The following GRIN2A variants were observed in gnomAD, a reference collection of about 807,000 sequenced individuals.
The protein encoded by GRIN2A is glutamate ionotropic receptor NMDA type subunit 2A, also known as glutamate receptor ionotropic, NMDA 2A.
GRIN2A carries 22 observed loss-of-function variants against 113.4 expected under a neutral mutation model. That is an observed-to-expected ratio of 0.19 (90% CI 0.14 to 0.28). The LOEUF is 0.28. GRIN2A is among the 10% of genes least tolerant of loss of function. The probability of loss-of-function intolerance (pLI) is 1.00; values close to 1 mark genes in which losing one functional copy is unlikely to be tolerated. For missense variants in GRIN2A, 1,502 were observed against 1,887.0 expected (o/e 0.80, Z 3.78); for synonymous variants, 827 against 738.4 (o/e 1.12, Z -1.94).
At chr16:10,006,970 T>C (rs2046414952) in intron 2 of GRIN2A, among the ~76,000 whole-genome samples, 1 of 152,274 alleles carries the variant, frequency 6.6e-6, no homozygotes, top group Admixed American at 6.5e-5. Flanking sequence ...GATCTCATTC[T>C]TTTTATGGCT....
chr16:9,764,442 C>G lies in GRIN2A; in HGVS notation c.3102G>C (p.Arg1034Ser). 1.2e-6 allele frequency: 2 copies of G among 1,614,056 alleles called. No individual in the cohort carries two copies. Among genetic ancestry groups the G allele is most frequent in the Non-Finnish European group, 1.7e-6 (2 of 1,179,996 alleles). ...DSLSQNPVSQ[R>S]DEATAENRTH... ...TCCTATTCTCTGCTGTTGCCTCATC[C>G]CTCTGGGAGACTGGATTCTGGGATA... is the stretch of plus-strand genomic sequence containing the variant. Residue 1034 changes from arginine (R) to serine (S), a missense_variant, in exon 13 of 13, where the codon AGG becomes AGC. By Grantham distance (110) the Arg-to-Ser change is moderately radical (BLOSUM62 -1). Around this residue, in one of 7 missense-constraint regions of GRIN2A, gnomAD observed 832 missense variants for 789.7 expected, o/e 1.05. Coordinates refer to ENST00000330684, the MANE Select transcript of GRIN2A (RefSeq NM_001134407.3).
At chr16:10,148,496 C>T (rs1235537477) in intron 2 of GRIN2A, among the ~76,000 whole-genome samples, 2 of 152,206 alleles carry the variant, frequency 1.3e-5, no homozygotes, top group African/African-American at 4.8e-5. Flanking sequence ...CAGGCTCTCT[C>T]CTGAGCTCCG....
At chr16:9,778,019 C>T (rs1426169241) in intron 11 of GRIN2A, among the ~76,000 whole-genome samples, 2 of 152,146 alleles carry the variant, frequency 1.3e-5, no homozygotes, top group South Asian at 2.1e-4. Flanking sequence ...GAGCTGAGAT[C>T]GCGCCATTGC....
chr16:10,058,792 C>G (rs1359838119), intron 2 of GRIN2A, among the ~76,000 whole-genome samples: 1 of 152,116 alleles, frequency 6.6e-6, no homozygotes, highest in East Asian at 1.9e-4. Context: ...TCTGACATTC[C>G]TGACAATATG....
chr16:10,137,319 C>T (rs545964975), intron 2 of GRIN2A, among the ~76,000 whole-genome samples: 1 of 152,294 alleles, frequency 6.6e-6, no homozygotes, highest in Admixed American at 6.5e-5. Context: ...AAGTAACTTG[C>T]TTAAATGAGG....
chr16:9,765,291 C>T (rs1374264682), intron 12 of GRIN2A, among the ~76,000 whole-genome samples: 3 of 152,164 alleles, frequency 2.0e-5, no homozygotes, highest in Admixed American at 6.5e-5. Context: ...TCCCAGCACC[C>T]GGGTCACCAA....
At chr16:9,802,878 C>T (rs141067637) in intron 10 of GRIN2A, among the ~76,000 whole-genome samples, 117 of 152,208 alleles carry the variant, frequency 7.7e-4, no homozygotes, top group Non-Finnish European at 1.5e-3. Flanking sequence ...TGGGCTATTG[C>T]GGCACAGCCC....
In GRIN2A at chr16:9,900,866, A is replaced by G. The variant is rs181012739; in HGVS notation, c.1008-9766T>C. Among the ~76,000 whole-genome samples, 133 of 152,288 alleles carry G rather than the reference A, an allele frequency of 8.7e-4. 1 individual carries two copies. The highest frequency in any genetic ancestry group is 2.9e-3 in the African/African-American group (122 of 41,548). On this transcript the variant is annotated intron_variant, in intron 3 of 12. Coordinates refer to ENST00000330684, the MANE Select transcript of GRIN2A (RefSeq NM_001134407.3). Reference sequence around the variant, plus strand: ...AACCAGCTCACATAATGAGCTTCTAATCCAAATGAGCAGAAAAAAATGTAT... The same window carrying G: ...AACCAGCTCACATAATGAGCTTCTAGTCCAAATGAGCAGAAAAAAATGTAT...
At chr16:10,069,150 G>A (rs1717821486) in intron 2 of GRIN2A, among the ~76,000 whole-genome samples, 1 of 152,210 alleles carries the variant, frequency 6.6e-6, no homozygotes, top group Non-Finnish European at 1.5e-5. Context: ...AGGAAAGGAT[G>A]AAGTAGGGGA....
chr16:10,152,531 C>G (rs6497731), intron 2 of GRIN2A, among the ~76,000 whole-genome samples: 32,260 of 152,138 alleles, frequency 0.21, 3,968 homozygotes, highest in East Asian at 0.49. Flanking sequence ...CCATCACTCA[C>G]TCTGACCTGG....
chr16:10,041,450 T>C (rs556192401), intron 2 of GRIN2A, among the ~76,000 whole-genome samples: 24 of 152,264 alleles, frequency 1.6e-4, no homozygotes, highest in African/African-American at 5.8e-4. Flanking sequence ...AATTGTTATA[T>C]AAAAGCCTTA....
At chr16:10,084,917 A>G (rs1461199465) in intron 2 of GRIN2A, among the ~76,000 whole-genome samples, 3 of 152,204 alleles carry the variant, frequency 2.0e-5, no homozygotes, top group Non-Finnish European at 4.4e-5. Flanking sequence ...TATCTATTGC[A>G]TAAATGATAA....
In GRIN2A at chr16:10,180,631, C is replaced by G. The variant is rs1047245809; in HGVS notation, c.-18-202G>C. On this transcript the variant is annotated intron_variant, in intron 1 of 12. Coordinates refer to ENST00000330684, the MANE Select transcript of GRIN2A (RefSeq NM_001134407.3). This position sits in a 1 kb window ranked among gnomAD's most constrained non-coding sequence, Gnocchi z 7.0. ...TCTAACTCTATCCACAACTCCAATT[C>G]GAGCTAATTCTCCATCCCCCAGCCC... is the stretch of plus-strand genomic sequence containing the variant. The G allele has an allele frequency of 3.4e-5, 29 of 855,448 alleles. 1 individual carries two copies. In the South Asian group the frequency reaches 5.2e-4, roughly 15 times the overall value. 53.0% of individuals were successfully genotyped at this position (855,448 alleles called of 1,614,324 possible). A position where few individuals can be genotyped will look rare whatever the true frequency, so the allele number is the denominator to read the frequency against.
intron 3 of GRIN2A, among the ~76,000 whole-genome samples, chr16:9,913,547 C>T (rs747017232): frequency 9.2e-5 from 14 of 152,294 alleles, no homozygotes; most frequent in East Asian, 1.9e-4. Context: ...GGTCCAACAT[C>T]GGCTAGGCAC....
intron 2 of GRIN2A, among the ~76,000 whole-genome samples, chr16:10,157,231 C>T (rs1316125434): frequency 1.3e-5 from 2 of 152,034 alleles, no homozygotes; most frequent in African/African-American, 2.4e-5. Flanking sequence ...ATGGAAAACA[C>T]CAGAGGGCCA....
chr16:9,798,332 T>C lies in GRIN2A; in HGVS notation c.2301A>G (p.Lys767=), dbSNP rs905675183. Reference sequence around the variant, plus strand: ...CGATCTGCCTCTTCCAAGGAGAGCCTTTCTGAAGGGCAATTCCATAACCGG... The same window carrying C: ...CGATCTGCCTCTTCCAAGGAGAGCCCTTCTGAAGGGCAATTCCATAACCGG... ...ATTGYGIALQ[K]GSPWKRQIDL... The change falls in exon 11 of 13, where the codon AAA becomes AAG. Residue 767 remains lysine, a synonymous_variant. Transcript: ENST00000330684. 6.2e-7 allele frequency: 1 copy of C among 1,614,094 alleles called. No homozygotes were observed. The highest frequency in any genetic ancestry group is 8.5e-7 in the Non-Finnish European group (1 of 1,179,978).
At chr16:10,070,059 G>A (rs559041647) in intron 2 of GRIN2A, among the ~76,000 whole-genome samples, 1 of 152,278 alleles carries the variant, frequency 6.6e-6, no homozygotes, top group African/African-American at 2.4e-5. Context: ...AGCAGCTCTA[G>A]AATTCATTCA....
At chr16:10,137,588 C>T (rs1671673204) in intron 2 of GRIN2A, among the ~76,000 whole-genome samples, 1 of 152,216 alleles carries the variant, frequency 6.6e-6, no homozygotes, top group Non-Finnish European at 1.5e-5. Context: ...CGTCAGCTGG[C>T]TGTATGGCCA....
chr16:9,927,480 G>C (rs907218794), intron 3 of GRIN2A, among the ~76,000 whole-genome samples: 4 of 152,178 alleles, frequency 2.6e-5, no homozygotes, highest in African/African-American at 7.2e-5. Context: ...AGAGTCAAGA[G>C]ATCATAGAGA....
Sources: gnomAD v4.1 joint callset for allele counts (sites outside exome capture counted in the v4.1 genomes callset) on GRCh38, gnomAD v4.1.1 for gene constraint, gnomAD v4.1.1 regional missense constraint, Gnocchi (gnomAD v3.1) non-coding constraint, MANE v1.5 for transcripts, NCBI Gene and HGNC (gene_info 2026-07-23, HGNC 2026-07-21) for gene names.